Variants in CNTNAP2 observed in about 807,000 individuals in gnomAD.
CNTNAP2 encodes contactin-associated protein-like 2.
Under a neutral mutation model 155.2 loss-of-function variants are expected in CNTNAP2, and 98 were observed. The ratio of observed to expected loss-of-function variants is 0.63; its 90% CI spans 0.54 to 0.75. The LOEUF is 0.75. CNTNAP2 is among the 30% of genes least tolerant of loss of function. CNTNAP2 has a pLI of 0.00. For synonymous variants in CNTNAP2, 651 were observed against 631.2 expected (o/e 1.03, Z -0.47); for missense variants, 1,727 against 1,688.1 (o/e 1.02, Z -0.40).
intron 1 of CNTNAP2, among the ~76,000 whole-genome samples, chr7:146,262,700 G>A (rs1243356089): frequency 6.6e-6 from 1 of 152,186 alleles, no homozygotes; most frequent in Non-Finnish European, 1.5e-5. Flanking sequence ...GTAACAGTGT[G>A]AAAATGAGGG....
intron 18 of CNTNAP2, among the ~76,000 whole-genome samples, chr7:148,214,454 A>T (rs561452080): frequency 6.6e-6 from 1 of 152,374 alleles, no homozygotes; most frequent in South Asian, 2.1e-4. Context: ...TATTTTGTTC[A>T]TCTTCACACT....
At chr7:148,001,544 G>C (rs1046003159) in intron 15 of CNTNAP2, among the ~76,000 whole-genome samples, 1 of 152,304 alleles carries the variant, frequency 6.6e-6, no homozygotes, top group Admixed American at 6.5e-5. Context: ...GCAATCATTG[G>C]AGTTGTCAAT....
chr7:146,835,966 A>G (rs1275156165), intron 2 of CNTNAP2, among the ~76,000 whole-genome samples: 1 of 152,204 alleles, frequency 6.6e-6, no homozygotes, highest in Non-Finnish European at 1.5e-5. Flanking sequence ...TTGCAGTTGC[A>G]CAACCCCATG....
At chr7:148,374,221 A>G (rs1347629469) in intron 21 of CNTNAP2, among the ~76,000 whole-genome samples, 1 of 151,966 alleles carries the variant, frequency 6.6e-6, no homozygotes, top group African/African-American at 2.4e-5. Flanking sequence ...CTTGGGTAAG[A>G]TAGCTTTAGA....
chr7:147,442,224 A>G (rs573988080), intron 10 of CNTNAP2, among the ~76,000 whole-genome samples: 3 of 152,036 alleles, frequency 2.0e-5, no homozygotes, highest in African/African-American at 7.2e-5. Flanking sequence ...ACCACAAGAT[A>G]CAGTCCTTCC....
intron 4 of CNTNAP2, among the ~76,000 whole-genome samples, chr7:147,072,019 G>T (rs1379358226): frequency 6.6e-6 from 1 of 152,152 alleles, no homozygotes; most frequent in Non-Finnish European, 1.5e-5. Context: ...TATTGCACCT[G>T]TACTCATCCT....
intron 1 of CNTNAP2, among the ~76,000 whole-genome samples, chr7:146,302,184 A>C (rs537801995): frequency 2.0e-5 from 3 of 152,214 alleles, no homozygotes; most frequent in African/African-American, 7.2e-5. Flanking sequence ...TTGTTGCTAC[A>C]TGACAAAATG....
At chr7:147,507,575 TG>T (rs1481964434) in intron 11 of CNTNAP2, among the ~76,000 whole-genome samples, 1 of 118,594 alleles carries the variant, frequency 8.4e-6, no homozygotes, top group African/African-American at 3.2e-5. Context: ...TTTTTTTTTT[TG>T]GAGTCTCGCT....
intron 18 of CNTNAP2, among the ~76,000 whole-genome samples, chr7:148,176,409 C>T (rs4726924): frequency 0.36 from 55,062 of 151,278 alleles, 10,576 homozygotes; most frequent in Middle Eastern, 0.54. Context: ...TTAGTACAGA[C>T]GGTTTCAACA....
intron 3 of CNTNAP2, among the ~76,000 whole-genome samples, chr7:147,027,228 C>A (rs1027393968): frequency 1.3e-5 from 2 of 152,040 alleles, no homozygotes; most frequent in African/African-American, 4.8e-5. Flanking sequence ...AATTTTCATA[C>A]GTACAAGGGA....
chr7:147,873,377 A>C (rs149084736), intron 13 of CNTNAP2, among the ~76,000 whole-genome samples: 2 of 152,214 alleles, frequency 1.3e-5, no homozygotes. Flanking sequence ...ACAGATCTAC[A>C]TGGCTGGGGA....
At chr7:147,551,794 G>C (rs1014937508) in intron 11 of CNTNAP2, among the ~76,000 whole-genome samples, 1 of 152,006 alleles carries the variant, frequency 6.6e-6, no homozygotes, top group Admixed American at 6.6e-5. Context: ...TTTCTTAACA[G>C]GATTATCTAT....
intron 3 of CNTNAP2, among the ~76,000 whole-genome samples, chr7:146,981,392 C>A (rs957839753): frequency 5.9e-5 from 9 of 152,086 alleles, no homozygotes. Flanking sequence ...AAAATATAAA[C>A]CCTTTTTACT....
At chr7:147,383,533 C>T (rs1796574804) in intron 9 of CNTNAP2, among the ~76,000 whole-genome samples, 1 of 152,066 alleles carries the variant, frequency 6.6e-6, no homozygotes, top group South Asian at 2.1e-4. Flanking sequence ...GAAACCCAAA[C>T]ACCACACGTT....
intron 16 of CNTNAP2, among the ~76,000 whole-genome samples, chr7:148,119,955 G>T (rs2116611502): frequency 1.3e-5 from 2 of 151,756 alleles, no homozygotes; most frequent in Middle Eastern, 3.4e-3. Context: ...CTGAATTCTG[G>T]ATAAGAATAA....
chr7:146,404,693 A>G lies in CNTNAP2; in HGVS notation c.97+287720A>G, dbSNP rs532619674. Among the ~76,000 whole-genome samples the G allele has an allele frequency of 9.2e-5, 14 of 152,244 alleles. 1 individual carries two copies. The South Asian group carries it at 2.9e-3, about 32-fold the overall frequency. Reference sequence around the variant, plus strand: ...CTGTGGAGCCTCATCTTTACTGCTCAGCCATCCCTTCCTTGCCCCTCCCTT... The same window carrying G: ...CTGTGGAGCCTCATCTTTACTGCTCGGCCATCCCTTCCTTGCCCCTCCCTT... On this transcript the variant is annotated intron_variant, in intron 1 of 23. Coordinates refer to ENST00000361727, the MANE Select transcript of CNTNAP2 (RefSeq NM_014141.6).
intron 17 of CNTNAP2, among the ~76,000 whole-genome samples, chr7:148,166,132 C>T (rs957804914): frequency 6.6e-6 from 1 of 151,928 alleles, no homozygotes; most frequent in Admixed American, 6.6e-5. Context: ...CCCAGCTAAC[C>T]CTGCTTGACT....
At chr7:147,447,248 T>C (rs564300759) in intron 10 of CNTNAP2, among the ~76,000 whole-genome samples, 61 of 152,324 alleles carry the variant, frequency 4.0e-4, no homozygotes, top group African/African-American at 1.4e-3. Flanking sequence ...CATGCTCTTG[T>C]GTACATGCTC....
intron 14 of CNTNAP2, among the ~76,000 whole-genome samples, chr7:147,947,983 C>G (rs1800850207): frequency 1.3e-5 from 2 of 152,004 alleles, no homozygotes; most frequent in Non-Finnish European, 2.9e-5. Flanking sequence ...TTACCAATAA[C>G]CAAGTTAAAT....
Sources: gnomAD v4.1 joint callset for allele counts (sites outside exome capture counted in the v4.1 genomes callset) on GRCh38, gnomAD v4.1.1 for gene constraint, MANE v1.5 for transcripts, NCBI Gene and HGNC (gene_info 2026-07-23, HGNC 2026-07-21) for gene names.